The following DDR2 variants were observed in gnomAD, a reference collection of about 807,000 sequenced individuals.
DDR2 encodes discoidin domain-containing receptor 2.
DDR2 carries 27 observed loss-of-function variants against 94.9 expected under a neutral mutation model. The ratio of observed to expected loss-of-function variants is 0.28; its 90% CI spans 0.21 to 0.39. The LOEUF is 0.39. Among genes scored for constraint, DDR2 ranks in the 10% least tolerant of loss-of-function variants. The pLI is 1.00. For synonymous variants in DDR2, 382 were observed against 377.2 expected (o/e 1.01, Z -0.15); for missense variants, 783 against 1,076.0 (o/e 0.73, Z 3.81).
In DDR2 at chr1:162,767,523, T is replaced by A. The variant is rs990517415; in HGVS notation, c.1293+164T>A. Among the ~76,000 whole-genome samples the A allele has an allele frequency of 3.3e-5, 5 of 152,204 alleles. No individual in the cohort carries two copies. In the East Asian group the frequency reaches 9.6e-4, roughly 29 times the overall value. On this transcript the variant is annotated intron_variant, in intron 11 of 17. Transcript: ENST00000367921. ...TGAAGCCAGAATAGAATTAGCTAAGTCTATTTTCTCATTTTTAGAGTGGAG... is the reference window on the plus strand; with the variant it reads ...TGAAGCCAGAATAGAATTAGCTAAGACTATTTTCTCATTTTTAGAGTGGAG...
chr1:162,760,248 T>G (rs949079127), intron 8 of DDR2, among the ~76,000 whole-genome samples: 1 of 152,042 alleles, frequency 6.6e-6, no homozygotes, highest in Non-Finnish European at 1.5e-5. Flanking sequence ...AATAACACAG[T>G]GTCCAGGGCC....
intron 13 of DDR2, 134 bp from the exon 14 acceptor site, chr1:162,773,335 A>G: frequency 1.7e-6 from 2 of 1,203,076 alleles, no homozygotes; most frequent in Non-Finnish European, 2.4e-6. Context: ...TATGTTACAC[A>G]TATCTTCTTA....
chr1:162,746,643 G>A (rs1000889478), intron 3 of DDR2, among the ~76,000 whole-genome samples: 2 of 152,212 alleles, frequency 1.3e-5, no homozygotes, highest in African/African-American at 4.8e-5. Flanking sequence ...CATGGAGTTT[G>A]AGATCTGAGA....
At chr1:162,668,694 G>T (rs1479857799) in intron 2 of DDR2, among the ~76,000 whole-genome samples, 3 of 152,054 alleles carry the variant, frequency 2.0e-5, no homozygotes, top group Admixed American at 2.0e-4. Flanking sequence ...TAGTCATTGG[G>T]TGACATCCCA....
intron 1 of DDR2, among the ~76,000 whole-genome samples, chr1:162,651,738 T>C (rs1657703430): frequency 2.0e-5 from 3 of 152,178 alleles, no homozygotes; most frequent in Non-Finnish European, 2.9e-5. Flanking sequence ...ATAATCTTAA[T>C]CTCCTAACAA....
At chr1:162,689,701 G>T (rs1659870271) in intron 2 of DDR2, among the ~76,000 whole-genome samples, 1 of 151,686 alleles carries the variant, frequency 6.6e-6, no homozygotes, top group South Asian at 2.1e-4. Context: ...GGCTTACCAA[G>T]AACACAGAAG....
intron 3 of DDR2, among the ~76,000 whole-genome samples, chr1:162,723,532 TAGG>T (rs1026801179): frequency 2.0e-5 from 3 of 152,120 alleles, no homozygotes; most frequent in African/African-American, 7.2e-5. Context: ...TTTTTCCAGG[TAGG>T]AGGATGAATA....
At position 162,737,112 on chromosome 1, in the gene DDR2, CT is replaced by C. The variant is rs146007655; in HGVS notation, c.83-15974del. Among the ~76,000 whole-genome samples the C allele has an allele frequency of 5.1e-4, 74 of 144,046 alleles. 2 individuals are homozygous for C. The highest frequency in any genetic ancestry group is 5.0e-3 in the South Asian group (22 of 4,396). 94.5% of individuals were successfully genotyped at this position (144,046 alleles called of 152,430 possible). A position where few individuals can be genotyped will look rare whatever the true frequency, so the allele number is the denominator to read the frequency against. On this transcript the variant is annotated intron_variant, in intron 3 of 17. Coordinates refer to ENST00000367921, the MANE Select transcript of DDR2 (RefSeq NM_006182.4). ...TTTCTTTCTTTCTTTTTTTTCGTTT[CT>C]TTTTTTTTATTACAGTTTTATTTTT...
At chr1:162,660,387 T>G (rs10692335) in intron 2 of DDR2, among the ~76,000 whole-genome samples, 1,995 of 151,932 alleles carry the variant, frequency 0.013, 50 homozygotes, top group African/African-American at 0.046. Flanking sequence ...GCTCCAATAT[T>G]GTCTTGTAGA....
intron 2 of DDR2, among the ~76,000 whole-genome samples, chr1:162,674,329 G>T (rs1659025948): frequency 6.6e-6 from 1 of 152,150 alleles, no homozygotes; most frequent in Non-Finnish European, 1.5e-5. Context: ...AATGCAGAGT[G>T]TTCAGTAAAG....
At chr1:162,643,641 C>T (rs1453546706) in intron 1 of DDR2, among the ~76,000 whole-genome samples, 1 of 152,068 alleles carries the variant, frequency 6.6e-6, no homozygotes, top group Admixed American at 6.6e-5. Flanking sequence ...CCACCATGCC[C>T]AGCTAATTTT....
At chr1:162,639,755 G>A (rs1043031706) in intron 1 of DDR2, among the ~76,000 whole-genome samples, 4 of 152,164 alleles carry the variant, frequency 2.6e-5, no homozygotes, top group Non-Finnish European at 4.4e-5. Flanking sequence ...TTCAACTTAC[G>A]ATTTTTCAAC....
At chr1:162,776,014 C>T (rs1647530079) in intron 15 of DDR2, 122 bp from the exon 16 acceptor site, 1 of 1,296,706 alleles carries the variant, frequency 7.7e-7, no homozygotes, top group Admixed American at 1.7e-5. Flanking sequence ...AGGGATTCAT[C>T]AAGAGTAGAG....
intron 2 of DDR2, among the ~76,000 whole-genome samples, chr1:162,673,956 ATC>A (rs377097675): frequency 1.2e-3 from 182 of 152,036 alleles, no homozygotes; most frequent in African/African-American, 4.0e-3. Context: ...TCTCTAGGTA[ATC>A]TCTCTATTCT....
In DDR2 at chr1:162,755,768, A is replaced by C. The variant is rs767100531; in HGVS notation, c.670A>C (p.Ser224Arg). The C allele has an allele frequency of 1.2e-6, 2 of 1,613,676 alleles. No individual in the cohort carries two copies. The highest frequency in any genetic ancestry group is 1.7e-6 in the Non-Finnish European group (2 of 1,179,558). Residue 224 changes from serine to arginine, a missense_variant and splice_region_variant, in exon 7 of 18, where the codon AGC becomes CGC. Physicochemically the swap from Ser to Arg is moderately radical, Grantham distance 110 (BLOSUM62 -1). This residue lies in a region of DDR2 where 519 missense variants were observed against 647.9 expected (regional missense o/e 0.80). Coordinates refer to ENST00000367921, the MANE Select transcript of DDR2 (RefSeq NM_006182.4). ...TGTCTATGATGGAGCTGTTGGATAC[A>C]GGTAAATCCTGGGAAACTTTATTAG... ...DSVYDGAVGY[S>R]MTEGLGQLTD... is the part of the protein sequence containing the mutation.
chr1:162,659,655 G>A (rs1046938931), intron 2 of DDR2, among the ~76,000 whole-genome samples: 3 of 152,190 alleles, frequency 2.0e-5, no homozygotes, highest in African/African-American at 7.2e-5. Flanking sequence ...AGCAGGGAAG[G>A]ATGACTTTAC....
chr1:162,673,606 T>TGAGA (rs1459695070), intron 2 of DDR2, among the ~76,000 whole-genome samples: 427 of 101,000 alleles, frequency 4.2e-3, no homozygotes, highest in African/African-American at 0.02. Context: ...TGTGTGTGTG[T>TGAGA]GTGAGAGAGA....
intron 1 of DDR2, among the ~76,000 whole-genome samples, chr1:162,633,431 C>T (rs747806197): frequency 1.6e-4 from 25 of 152,130 alleles, no homozygotes; most frequent in Admixed American, 3.3e-4. Flanking sequence ...ACCATTTTGC[C>T]GATCATTGGC....
intron 2 of DDR2, among the ~76,000 whole-genome samples, chr1:162,665,494 T>C (rs142243938): frequency 1.3e-5 from 2 of 151,908 alleles, no homozygotes; most frequent in Non-Finnish European, 2.9e-5. Flanking sequence ...TGACCCTTCC[T>C]AGCTCATGTA....
Sources: gnomAD v4.1 joint callset for allele counts (sites outside exome capture counted in the v4.1 genomes callset) on GRCh38, gnomAD v4.1.1 for gene constraint, gnomAD v4.1.1 regional missense constraint, MANE v1.5 for transcripts, NCBI Gene and HGNC (gene_info 2026-07-23, HGNC 2026-07-21) for gene names.